Variants in GRM3 observed in about 807,000 individuals in gnomAD.
The protein encoded by GRM3 is metabotropic glutamate receptor 3.
In GRM3, 26 loss-of-function variants were observed where a neutral mutation model predicts 70.5. The ratio of observed to expected loss-of-function variants is 0.37; its 90% CI spans 0.27 to 0.51. GRM3 has a LOEUF of 0.51. Ranked by LOEUF, GRM3 falls within the 20% of genes least tolerant of loss-of-function variation. The pLI is 0.93. For synonymous variants in GRM3, 443 were observed against 434.9 expected (o/e 1.02, Z -0.23); for missense variants, 859 against 1,123.8 (o/e 0.76, Z 3.37).
intron 3 of GRM3, among the ~76,000 whole-genome samples, chr7:86,827,913 C>A (rs58178461): frequency 0.11 from 16,868 of 151,980 alleles, 1,012 homozygotes; most frequent in African/African-American, 0.14. Context: ...GAGATGGAGA[C>A]CATCCTGGCT....
intron 1 of GRM3, chr7:86,710,314 T>C (rs560616544): frequency 1.3e-5 from 2 of 152,098 alleles, no homozygotes; most frequent in South Asian, 4.2e-4. Context: ...AGAATTCTTA[T>C]GCTCTCTTCT....
At chr7:86,814,571 A>G (rs1358563541) in intron 3 of GRM3, among the ~76,000 whole-genome samples, 1 of 151,812 alleles carries the variant, frequency 6.6e-6, no homozygotes, top group Non-Finnish European at 1.5e-5. Context: ...GCTAACTGCC[A>G]TGGACTTTTT....
At chr7:86,668,304 A>G (rs886799916) in intron 1 of GRM3, among the ~76,000 whole-genome samples, 2 of 152,190 alleles carry the variant, frequency 1.3e-5, no homozygotes, top group East Asian at 3.9e-4. Flanking sequence ...ATCATTATGA[A>G]CAAATTTAGG....
chr7:86,693,304 C>T (rs115987242), intron 1 of GRM3, among the ~76,000 whole-genome samples: 2,037 of 152,294 alleles, frequency 0.013, 38 homozygotes, highest in African/African-American at 0.047. Flanking sequence ...TAGTAAGTGG[C>T]AAAGCCTACC....
chr7:86,661,554 G>T (rs1270440568), intron 1 of GRM3, among the ~76,000 whole-genome samples: 2 of 151,738 alleles, frequency 1.3e-5, no homozygotes, highest in African/African-American at 2.4e-5. Context: ...AGTACTCAAT[G>T]GAATGTAGAC....
intron 1 of GRM3, among the ~76,000 whole-genome samples, chr7:86,759,695 A>C (rs549623307): frequency 1.3e-4 from 20 of 152,314 alleles, no homozygotes; most frequent in African/African-American, 4.8e-4. Context: ...GTATATGGGA[A>C]TTTAGCAAAT....
At chr7:86,763,465 C>A (rs1796528929) in intron 1 of GRM3, among the ~76,000 whole-genome samples, 1 of 152,142 alleles carries the variant, frequency 6.6e-6, no homozygotes, top group South Asian at 2.1e-4. Context: ...AAGAATTCAA[C>A]AGCAGGTACA....
At chr7:86,845,653 T>C (rs1171578765) in intron 4 of GRM3, among the ~76,000 whole-genome samples, 2 of 152,122 alleles carry the variant, frequency 1.3e-5, no homozygotes, top group Non-Finnish European at 2.9e-5. Flanking sequence ...AGTAATATTT[T>C]CCTTAATCAG....
chr7:86,811,813 C>A (rs909992123), intron 3 of GRM3, among the ~76,000 whole-genome samples: 1 of 148,480 alleles, frequency 6.7e-6, no homozygotes, highest in African/African-American at 2.5e-5. Context: ...CCTTGATAAT[C>A]ATCTGTATAA....
intron 2 of GRM3, among the ~76,000 whole-genome samples, chr7:86,779,444 C>T (rs1299810261): frequency 6.6e-6 from 1 of 152,044 alleles, no homozygotes; most frequent in African/African-American, 2.4e-5. Context: ...ACACACAAAC[C>T]CATCATTATA....
At chr7:86,852,883 T>G (rs1798779544) in intron 5 of GRM3, among the ~76,000 whole-genome samples, 1 of 152,194 alleles carries the variant, frequency 6.6e-6, no homozygotes, top group Admixed American at 6.6e-5. Context: ...AAGTTACTTC[T>G]CAAGGATATA....
At chr7:86,657,787 C>T (rs802441) in intron 1 of GRM3, among the ~76,000 whole-genome samples, 51,798 of 151,958 alleles carry the variant, frequency 0.34, 9,333 homozygotes, top group African/African-American at 0.46. Flanking sequence ...GAATAAGACA[C>T]ATGGAATGAA....
intron 1 of GRM3, among the ~76,000 whole-genome samples, chr7:86,721,592 G>C (rs1189080993): frequency 6.6e-6 from 1 of 151,950 alleles, no homozygotes. Context: ...TAAGTACTTG[G>C]GTTGGAGTCC....
intron 5 of GRM3, among the ~76,000 whole-genome samples, chr7:86,860,332 T>A (rs114800033): frequency 3.2e-4 from 48 of 152,250 alleles, no homozygotes; most frequent in African/African-American, 1.1e-3. Context: ...AAAATATTTA[T>A]GAAAAGCAAA....
chr7:86,823,760 T>A (rs1798175411), intron 3 of GRM3, among the ~76,000 whole-genome samples: 1 of 152,058 alleles, frequency 6.6e-6, no homozygotes, highest in South Asian at 2.1e-4. Context: ...AGCTAGTGCC[T>A]GATCTTTCCC....
Position 86,786,756 on chromosome 7 carries a change from A to T in GRM3, c.964A>T (p.Thr322Ser). 6.2e-7 allele frequency: 1 copy of T among 1,613,680 alleles called. No individual in the cohort carries two copies. Among genetic ancestry groups the T allele is most frequent in the Non-Finnish European group, 8.5e-7 (1 of 1,179,908 alleles). ...GSEHVAYGAI[T>S]LELASQPVRQ... ...CGAGCATGTGGCCTACGGCGCCATC[A>T]CCCTGGAGCTGGCCTCCCAGCCTGT... Residue 322 changes from threonine to serine, a missense_variant, in exon 3 of 6, where the codon ACC (threonine) becomes TCC (serine). Thr to Ser is a moderately conservative substitution (Grantham distance 58). Transcript: ENST00000361669. The surrounding 1 kb of genome is among the most constrained non-coding windows in gnomAD (Gnocchi z 6.0).
chr7:86,735,246 T>C (rs1024146895), intron 1 of GRM3, among the ~76,000 whole-genome samples: 5 of 152,108 alleles, frequency 3.3e-5, no homozygotes, highest in African/African-American at 1.2e-4. Flanking sequence ...ACAGCAGATA[T>C]ACCTGCTGTA....
chr7:86,691,306 C>T (rs899413591), intron 1 of GRM3, among the ~76,000 whole-genome samples: 25 of 152,134 alleles, frequency 1.6e-4, no homozygotes, highest in Admixed American at 9.2e-4. Context: ...AATTCTCCCT[C>T]ATACTCTCAC....
At position 86,767,289 on chromosome 7, in the gene GRM3, T is replaced by C. The variant is rs373875000; in HGVS notation, c.468+1676T>C. Among the ~76,000 whole-genome samples, 4 of 151,910 alleles carry C rather than the reference T, an allele frequency of 2.6e-5. No homozygotes were observed. The East Asian group carries it at 5.8e-4, about 22-fold the overall frequency. On this transcript the variant is annotated intron_variant, in intron 2 of 5. Coordinates refer to ENST00000361669, the MANE Select transcript of GRM3 (RefSeq NM_000840.3). Reference sequence around the variant, plus strand: ...AATTCTAGGTATAATTCTTTGTGGTTCTCTATGAGCTATTTGAAATTTATT... The same window carrying C: ...AATTCTAGGTATAATTCTTTGTGGTCCTCTATGAGCTATTTGAAATTTATT...
Sources: allele counts gnomAD v4.1 joint callset (sites outside exome capture counted in the v4.1 genomes callset), GRCh38; gene constraint gnomAD v4.1.1; non-coding constraint Gnocchi (gnomAD v3.1); transcripts MANE v1.5; gene names NCBI Gene and HGNC (gene_info 2026-07-23, HGNC 2026-07-21).